The following EXOC6B variants were observed in gnomAD, a reference collection of about 807,000 sequenced individuals.
The protein encoded by EXOC6B is exocyst complex component 6B, also known as SEC15 homolog B.
A neutral mutation model predicts 113.5 loss-of-function variants in EXOC6B; 54 were observed. The observed-to-expected ratio is 0.48, with a 90% confidence interval of 0.38 to 0.60. The LOEUF (loss-of-function observed/expected upper bound fraction) is 0.60, where lower values mean the gene tolerates loss of function less well. Among genes scored for constraint, EXOC6B ranks in the 20% least tolerant of loss-of-function variants. The pLI is 0.00. For missense variants in EXOC6B, 797 were observed against 977.5 expected (o/e 0.82, Z 2.46); for synonymous variants, 357 against 339.0 (o/e 1.05, Z -0.58).
chr2:72,221,516 T>C (rs1680863778), intron 20 of EXOC6B, among the ~76,000 whole-genome samples: 1 of 152,186 alleles, frequency 6.6e-6, no homozygotes, highest in Non-Finnish European at 1.5e-5. Context: ...TTTCCCTTTT[T>C]CTGCTTTCTA....
intron 20 of EXOC6B, among the ~76,000 whole-genome samples, chr2:72,315,370 A>G (rs1445470296): frequency 1.3e-5 from 2 of 150,994 alleles, no homozygotes; most frequent in Non-Finnish European, 2.9e-5. Context: ...TGAAGGTTCT[A>G]TAGGATCTTA....
intron 19 of EXOC6B, among the ~76,000 whole-genome samples, chr2:72,347,366 T>A (rs1421463331): frequency 1.3e-5 from 2 of 152,160 alleles, no homozygotes; most frequent in African/African-American, 4.8e-5. Flanking sequence ...TTTAAGAACT[T>A]AATTTTATCC....
At chr2:72,445,920 A>G (rs1372914777) in intron 18 of EXOC6B, among the ~76,000 whole-genome samples, 1 of 152,224 alleles carries the variant, frequency 6.6e-6, no homozygotes, top group Non-Finnish European at 1.5e-5. Context: ...TTAGAGAAAT[A>G]CAAATCAAAA....
At chr2:72,228,639 C>T (rs1681413088) in intron 20 of EXOC6B, among the ~76,000 whole-genome samples, 1 of 152,054 alleles carries the variant, frequency 6.6e-6, no homozygotes, top group Non-Finnish European at 1.5e-5. Context: ...TGTATATGTG[C>T]CATATTTTCT....
At chr2:72,344,169 C>T (rs1176417017) in intron 19 of EXOC6B, among the ~76,000 whole-genome samples, 1 of 152,052 alleles carries the variant, frequency 6.6e-6, no homozygotes, top group Non-Finnish European at 1.5e-5. Context: ...GTCTTCTCTT[C>T]CCATTCATTG....
At position 72,288,343 on chromosome 2, in the gene EXOC6B, A is replaced by G. The variant is rs143948056; in HGVS notation, c.2196+46604T>C. Among the ~76,000 whole-genome samples the G allele has an allele frequency of 5.4e-3, 816 of 152,250 alleles. 7 individuals are homozygous for G. Among genetic ancestry groups the G allele is most frequent in the African/African-American group, 0.019 (783 of 41,548 alleles). ...AATCCTAGGTACATATCCAACAGAA[A>G]TGAGTACACTAAAAGATATATACAA... On this transcript the variant is annotated intron_variant, in intron 20 of 21. Transcript: ENST00000272427.
chr2:72,327,258 C>T (rs897854672), intron 20 of EXOC6B, among the ~76,000 whole-genome samples: 1 of 151,956 alleles, frequency 6.6e-6, no homozygotes, highest in Non-Finnish European at 1.5e-5. Flanking sequence ...AGTGGGTGTG[C>T]TTGCTCTCTG....
At chr2:72,326,402 G>T (rs1024753199) in intron 20 of EXOC6B, among the ~76,000 whole-genome samples, 2 of 152,100 alleles carry the variant, frequency 1.3e-5, no homozygotes, top group African/African-American at 2.4e-5. Context: ...AATGCCTCAG[G>T]CTAGACAGGC....
chr2:72,378,579 C>A (rs1334618818), intron 19 of EXOC6B, among the ~76,000 whole-genome samples: 1 of 152,242 alleles, frequency 6.6e-6, no homozygotes, highest in East Asian at 1.9e-4. Flanking sequence ...AACTTTGATA[C>A]CTTTTACTCT....
chr2:72,605,199 G>A (rs1429000853), intron 6 of EXOC6B, among the ~76,000 whole-genome samples: 1 of 151,240 alleles, frequency 6.6e-6, no homozygotes. Context: ...CAGAAGAATT[G>A]CTTGAACCTG....
intron 20 of EXOC6B, among the ~76,000 whole-genome samples, chr2:72,267,873 A>G (rs964021228): frequency 2.6e-5 from 4 of 152,316 alleles, no homozygotes; most frequent in South Asian, 2.1e-4. Context: ...TCAAGACAAA[A>G]TGACTCAATG....
intron 18 of EXOC6B, among the ~76,000 whole-genome samples, chr2:72,436,573 A>G (rs1695884999): frequency 1.3e-5 from 2 of 151,814 alleles, no homozygotes; most frequent in Admixed American, 1.3e-4. Context: ...ATTGTCCTGT[A>G]TTTCTTGGAG....
At chr2:72,455,642 A>C (rs555434348) in intron 18 of EXOC6B, among the ~76,000 whole-genome samples, 14 of 152,332 alleles carry the variant, frequency 9.2e-5, no homozygotes, top group African/African-American at 3.4e-4. Flanking sequence ...ACTAATGTGT[A>C]AGCTAATCTA....
intron 19 of EXOC6B, 45 bp downstream of exon 19, chr2:72,379,684 G>C (rs750909903): frequency 2.7e-5 from 41 of 1,547,018 alleles, no homozygotes; most frequent in African/African-American, 4.1e-5. Flanking sequence ...ACAGAAATGA[G>C]TTTGCTGGTA....
At chr2:72,786,347 T>C (rs1251015748) in intron 1 of EXOC6B, among the ~76,000 whole-genome samples, 1 of 152,202 alleles carries the variant, frequency 6.6e-6, no homozygotes, top group Non-Finnish European at 1.5e-5. Context: ...AAACACTTAT[T>C]GAGCACTTAC....
chr2:72,404,679 A>G (rs545317690), intron 18 of EXOC6B, among the ~76,000 whole-genome samples: 17 of 152,230 alleles, frequency 1.1e-4, no homozygotes, highest in Non-Finnish European at 2.1e-4. Context: ...AACAAACAGA[A>G]AGGACATCCA....
intron 16 of EXOC6B, among the ~76,000 whole-genome samples, chr2:72,485,104 AT>A (rs1369362955): frequency 2.0e-5 from 3 of 152,164 alleles, no homozygotes; most frequent in Non-Finnish European, 4.4e-5. Flanking sequence ...AAGCATTCCT[AT>A]TTCTTGTGGA....
At chr2:72,233,090 G>T (rs1011789481) in intron 20 of EXOC6B, among the ~76,000 whole-genome samples, 7 of 151,178 alleles carry the variant, frequency 4.6e-5, no homozygotes, top group African/African-American at 1.7e-4. Context: ...AAGAAAAAAA[G>T]AAAAAAGAAA....
chr2:72,180,160 C>T (rs1013132748), intron 21 of EXOC6B, among the ~76,000 whole-genome samples: 1 of 152,178 alleles, frequency 6.6e-6, no homozygotes, highest in Non-Finnish European at 1.5e-5. Context: ...ACATGAGAAG[C>T]CTTTGAGTTC....
Sources: allele counts gnomAD v4.1 joint callset (sites outside exome capture counted in the v4.1 genomes callset), GRCh38; gene constraint gnomAD v4.1.1; transcripts MANE v1.5; gene names NCBI Gene and HGNC (gene_info 2026-07-23, HGNC 2026-07-21).